Variants in RECQL5 observed in about 807,000 individuals in gnomAD.
RECQL5 encodes the protein RecQ like helicase 5.
RECQL5 carries 88 observed loss-of-function variants against 103.4 expected under a neutral mutation model. That is an observed-to-expected ratio of 0.85 (90% CI 0.72 to 1.02). The LOEUF is 1.02. RECQL5 is among the 50% of genes least tolerant of loss of function. RECQL5 has a pLI of 0.00. For missense variants in RECQL5, 1,232 were observed against 1,284.3 expected, an observed-to-expected ratio of 0.96 and a Z score of 0.62; for synonymous variants, 552 against 507.9, an observed-to-expected ratio of 1.09 and a Z score of -1.17.
chr17:75,661,114 T>G, intron 5 of RECQL5, 48 bp from the exon 6 acceptor site: 2 of 1,470,560 alleles, frequency 1.4e-6, no homozygotes, highest in South Asian at 1.1e-5. Flanking sequence ...TTCCCTTGGG[T>G]TTACCGGGGG....
rs1555706009 is a variant in RECQL5, at chr17:75,630,841, T to TCGG, written c.1586-5_1586-4insCCG. 1.8e-6 allele frequency: 2 copies of TCGG among 1,129,630 alleles called. No individual in the cohort carries two copies. Among genetic ancestry groups the TCGG allele is most frequent in the African/African-American group, 2.9e-5 (1 of 34,518 alleles). 70.0% of individuals were successfully genotyped at this position (1,129,630 alleles called of 1,614,324 possible). A position where few individuals can be genotyped will look rare whatever the true frequency, so the allele number is the denominator to read the frequency against. On this transcript the variant is annotated splice_region_variant and splice_polypyrimidine_tract_variant and intron_variant, in intron 11 of 19. Transcript: ENST00000317905. ...TCTTTCAGGGGACAGTTCTCATCTGTGGGGGGGGGGGGTGGTCCTTGGTCC... is the reference window on the plus strand; with the variant it reads ...TCTTTCAGGGGACAGTTCTCATCTGTCGGGGGGGGGGGGGGTGGTCCTTGGTCC...
intron 6 of RECQL5, among the ~76,000 whole-genome samples, chr17:75,660,330 A>C (rs969902193): frequency 6.6e-6 from 1 of 152,242 alleles, no homozygotes; most frequent in African/African-American, 2.4e-5. Context: ...TTGGCTTCCC[A>C]AAGTGCTGGG....
In RECQL5 at chr17:75,630,886, C is replaced by T. The variant is rs111902955; in HGVS notation, c.1586-49G>A. The T allele has an allele frequency of 5.0e-4, 778 of 1,551,756 alleles. 5 individuals carry two copies. The African/African-American group carries it at 9.0e-3, about 18-fold the overall frequency. ...TGGTCCTTTCGCTCCACCTTCTGCG[C>T]TCTGAGGTCCCCCACAGCCCGGATG... On this transcript the variant is annotated intron_variant, in intron 11 of 19. Transcript: ENST00000317905.
chr17:75,631,693 T>C (rs1402450634), intron 8 of RECQL5, 25 bp from the exon 9 acceptor site: 2 of 1,601,802 alleles, frequency 1.2e-6, no homozygotes, highest in African/African-American at 2.7e-5. Flanking sequence ...ACCGCAGAGG[T>C]GAGGGGCGGA....
chr17:75,635,935 G>A, intron 8 of RECQL5: 14 of 867,928 alleles, frequency 1.6e-5, no homozygotes, highest in African/African-American at 1.8e-5. Flanking sequence ...TGGCCTGCGG[G>A]ATGCCTGCCT....
chr17:75,638,736 C>G (rs756598643), intron 8 of RECQL5: 2 of 152,266 alleles, frequency 1.3e-5, no homozygotes, highest in Admixed American at 6.5e-5. Flanking sequence ...AGCCTCAAAA[C>G]ACGGGCATCT....
chr17:75,662,526 G>A lies in RECQL5; in HGVS notation c.724C>T (p.Leu242=). Residue 242 remains leucine, a synonymous_variant, in exon 4 of 20, where the codon CTG becomes TTG. Transcript: ENST00000317905. ...AGAGCCTTAAGGCAGAAGTCCTTCA[G>A]GTTCCCATAGGGATCAGAAATCAGT... ...KELISDPYGN[L]KDFCLKALGQ... is the part of the protein sequence containing the mutation. The A allele has an allele frequency of 6.2e-7, 1 of 1,614,162 alleles. No homozygotes were observed.
At chr17:75,647,719 T>TGG (rs894452417) in intron 8 of RECQL5, 1 of 722,136 alleles carries the variant, frequency 1.4e-6, no homozygotes, top group African/African-American at 1.8e-5. Flanking sequence ...ATACTGTATC[T>TGG]GGCTTAGGGT....
Position 75,629,824 on chromosome 17 carries a change from C to T in RECQL5, c.1831G>A (p.Ala611Thr). The change falls in exon 15 of 20, where the codon GCC becomes ACC. Residue 611 changes from alanine (A) to threonine (T), a missense_variant. By Grantham distance (58) the Ala-to-Thr change is moderately conservative (BLOSUM62 0). Transcript: ENST00000317905. ...VLKKVADIHRASKDGQPYDMG... is the reference protein window; with the variant it reads ...VLKKVADIHRTSKDGQPYDMG... ...TCATAGGGCTGCCCATCCTTGGAGG[C>T]TCTGTGGATATCGGCCACCTGGGCA... is the stretch of plus-strand genomic sequence containing the variant. 6.2e-7 allele frequency: 1 copy of T among 1,611,298 alleles called. No individual in the cohort carries two copies. The highest frequency in any genetic ancestry group is 1.1e-5 in the South Asian group (1 of 90,922).
intron 6 of RECQL5, 24 bp downstream of exon 6, chr17:75,660,931 G>C: frequency 6.4e-7 from 1 of 1,560,594 alleles, no homozygotes; most frequent in Non-Finnish European, 8.8e-7. Context: ...AGACCAGGAG[G>C]GCAGGGCAAG....
intron 8 of RECQL5, among the ~76,000 whole-genome samples, chr17:75,641,928 T>C (rs934836230): frequency 6.6e-6 from 1 of 152,136 alleles, no homozygotes; most frequent in Non-Finnish European, 1.5e-5. Flanking sequence ...GAGCAAATCC[T>C]GGTACTGCTT....
chr17:75,655,456 C>T (rs1475841402), intron 7 of RECQL5, among the ~76,000 whole-genome samples: 8 of 148,046 alleles, frequency 5.4e-5, no homozygotes, highest in East Asian at 2.0e-4. Flanking sequence ...CTCCGCCTTC[C>T]GGGTTCATGC....
At chr17:75,633,963 G>A in intron 8 of RECQL5, 2 of 985,622 alleles carry the variant, frequency 2.0e-6, no homozygotes, top group South Asian at 4.7e-5. Context: ...CATGAAGTTG[G>A]AGGACAAGTT....
rs910383988 is a variant in RECQL5 at position 75,640,847 on chromosome 17, T to C, written c.1230-9179A>G. The C allele has an allele frequency of 4.5e-6, 7 of 1,549,238 alleles. No homozygotes were observed. The highest frequency in any genetic ancestry group is 1.4e-5 in the African/African-American group (1 of 73,052). On this transcript the variant is annotated intron_variant, in intron 8 of 19. Transcript: ENST00000317905. The surrounding 1 kb of genome is among the most constrained non-coding windows in gnomAD (Gnocchi z 4.6). ...CAGCTGCTGCTGCACTCACTGCTGC[T>C]GCCCTGAGCGGAGAGGCAGGAAGGT...
intron 2 of RECQL5, 135 bp downstream of exon 2, chr17:75,666,293 G>C (rs938649913): frequency 8.6e-6 from 9 of 1,041,004 alleles, no homozygotes; most frequent in Middle Eastern, 3.1e-4. Flanking sequence ...TACAAGCTTT[G>C]ACAACTCTAA....
intron 7 of RECQL5, among the ~76,000 whole-genome samples, chr17:75,657,081 C>T (rs115770382): frequency 0.01 from 1,550 of 151,868 alleles, 23 homozygotes; most frequent in African/African-American, 0.035. Context: ...GAAATAAGTA[C>T]TTATAGGCTG....
chr17:75,647,522 C>G, intron 8 of RECQL5: 1 of 1,550,366 alleles, frequency 6.5e-7, no homozygotes, highest in Non-Finnish European at 8.7e-7. Flanking sequence ...GGTTTACTCA[C>G]TTCCACAGAA....
intron 8 of RECQL5, chr17:75,633,941 G>A: frequency 1.0e-6 from 1 of 985,738 alleles, no homozygotes; most frequent in Non-Finnish European, 1.2e-6. Flanking sequence ...GGGCAGAGGT[G>A]AGGCACCGGG....
rs139358407 is a variant in RECQL5 at position 75,650,658 on chromosome 17, G to A, written c.1229+528C>T. ...CAGGCACTCACAGCTCCGCATGCCTGGACACAACCTGACTACACCAAGCAG... is the reference window on the plus strand; with the variant it reads ...CAGGCACTCACAGCTCCGCATGCCTAGACACAACCTGACTACACCAAGCAG... On this transcript the variant is annotated intron_variant, in intron 8 of 19. Coordinates refer to ENST00000317905, the MANE Select transcript of RECQL5 (RefSeq NM_004259.7). 3.6e-4 allele frequency: 587 copies of A among 1,614,032 alleles called. 1 individual carries two copies. In the African/African-American group the frequency reaches 7.0e-3, roughly 19 times the overall value.
Sources: allele counts gnomAD v4.1 joint callset (sites outside exome capture counted in the v4.1 genomes callset), GRCh38; gene constraint gnomAD v4.1.1; non-coding constraint Gnocchi (gnomAD v3.1); transcripts MANE v1.5; gene names NCBI Gene and HGNC (gene_info 2026-07-23, HGNC 2026-07-21).